VPS26A: variants seen among roughly 807,000 people sequenced by gnomAD.
The protein encoded by VPS26A is VPS26 retromer complex component A.
A neutral mutation model predicts 42.4 loss-of-function variants in VPS26A; 22 were observed. The ratio of observed to expected loss-of-function variants is 0.52; its 90% confidence interval spans 0.37 to 0.74. The LOEUF (loss-of-function observed/expected upper bound fraction) is 0.74. VPS26A is among the 30% of genes least tolerant of loss of function. The pLI is 0.00. For missense variants in VPS26A, 276 were observed against 379.2 expected (o/e 0.73, Z 2.26); for synonymous variants, 110 against 123.5 (o/e 0.89, Z 0.73).
At chr10:69,149,727 GTTTTTTGTTTTTTTTTTTTTT>G (rs778604289) in intron 2 of VPS26A, among the ~76,000 whole-genome samples, 1 of 93,964 alleles carries the variant, frequency 1.1e-5, no homozygotes. Flanking sequence ...CTTTCTTGGT[GTTTTTTGTTTTTTTTTTTTTT>G]TTTTTTTTTT....
chr10:69,129,912 C>T (rs1201966527), intron 1 of VPS26A, among the ~76,000 whole-genome samples: 1 of 152,168 alleles, frequency 6.6e-6, no homozygotes, highest in African/African-American at 2.4e-5. Flanking sequence ...TTTGTTAATA[C>T]AGGATTTAGG....
At chr10:69,150,796 T>C (rs1191358127) in intron 2 of VPS26A, among the ~76,000 whole-genome samples, 1 of 152,140 alleles carries the variant, frequency 6.6e-6, no homozygotes, top group East Asian at 1.9e-4. Context: ...AGTATATATA[T>C]GCATGCCCAT....
Position 69,158,027 on chromosome 10 carries a change from ACT to A in VPS26A, c.387-15_387-14del, listed in dbSNP as rs1841468905. The A allele has an allele frequency of 7.7e-6, 12 of 1,567,994 alleles. No homozygotes were observed. The highest frequency in any genetic ancestry group is 4.8e-5 in the South Asian group (4 of 83,202). Reference sequence around the variant, plus strand: ...TTATCACAGGTGATTTAACTCATCGACTCTCTTTTAACTTTGTAGGTATTTTC... The same window carrying A: ...TTATCACAGGTGATTTAACTCATCGACTCTTTTAACTTTGTAGGTATTTTC... On this transcript the variant is annotated intron_variant, in intron 4 of 8. Transcript: ENST00000263559.
chr10:69,153,129 A>C (rs907030196), intron 2 of VPS26A, among the ~76,000 whole-genome samples: 1 of 145,600 alleles, frequency 6.9e-6, no homozygotes, highest in Admixed American at 6.8e-5. Context: ...GGTTCACTGC[A>C]ACCTCCGCCC....
Position 69,168,572 on chromosome 10 carries a change from A to G in VPS26A, c.811A>G (p.Arg271Gly). ...AGATGTGAACAAAAAATTTTCAGTAAGGTACTTTTTGAATTTAGTGCTTGT... is the reference window on the plus strand; with the variant it reads ...AGATGTGAACAAAAAATTTTCAGTAGGGTACTTTTTGAATTTAGTGCTTGT... ...MRDVNKKFSV[R>G]YFLNLVLVDE... is the part of the protein sequence containing the mutation. Residue 271 changes from arginine to glycine, a missense_variant, in exon 8 of 9, where the codon AGG becomes GGG. Arg to Gly is a moderately radical substitution (Grantham distance 125). Coordinates refer to ENST00000263559, the MANE Select transcript of VPS26A (RefSeq NM_004896.5). The G allele has an allele frequency of 1.9e-6, 3 of 1,614,186 alleles. No individual in the cohort carries two copies. Among genetic ancestry groups the G allele is most frequent in the Non-Finnish European group, 2.5e-6 (3 of 1,180,024 alleles).
At chr10:69,151,753 AT>A (rs768906148) in intron 2 of VPS26A, among the ~76,000 whole-genome samples, 1 of 152,202 alleles carries the variant, frequency 6.6e-6, no homozygotes, top group Non-Finnish European at 1.5e-5. Flanking sequence ...AGTTTTAAAA[AT>A]ATCAGACAAA....
intron 2 of VPS26A, among the ~76,000 whole-genome samples, chr10:69,150,909 G>A (rs1841289318): frequency 7.1e-6 from 1 of 140,260 alleles, no homozygotes; most frequent in Non-Finnish European, 1.5e-5. Context: ...ATTCTTGCAA[G>A]TTTTTTGCAA....
At chr10:69,134,932 A>T (rs572671509) in intron 2 of VPS26A, among the ~76,000 whole-genome samples, 5 of 146,010 alleles carry the variant, frequency 3.4e-5, no homozygotes, top group South Asian at 2.2e-4. Context: ...GTATCTATTT[A>T]AAAAAAAAAA....
At chr10:69,163,919 T>C (rs1420419929) in intron 6 of VPS26A, among the ~76,000 whole-genome samples, 3 of 150,938 alleles carry the variant, frequency 2.0e-5, no homozygotes, top group Admixed American at 1.3e-4. Context: ...GCGCCCACCA[T>C]CACGCCCGGC....
intron 2 of VPS26A, among the ~76,000 whole-genome samples, chr10:69,152,902 A>G (rs990217677): frequency 4.0e-5 from 6 of 151,738 alleles, no homozygotes; most frequent in Admixed American, 3.9e-4. Context: ...CCTGGAAGGC[A>G]GAGCTTGCAG....
chr10:69,168,949 A>G (rs896780806), intron 8 of VPS26A, among the ~76,000 whole-genome samples: 1 of 152,196 alleles, frequency 6.6e-6, no homozygotes, highest in Non-Finnish European at 1.5e-5. Flanking sequence ...AGAACAAAGA[A>G]TGAAGTAAAG....
chr10:69,132,341 GTT>G (rs67879780), intron 1 of VPS26A, among the ~76,000 whole-genome samples: 1 of 149,078 alleles, frequency 6.7e-6, no homozygotes, highest in Non-Finnish European at 1.5e-5. Context: ...TTTGTTTAGG[GTT>G]TTTTTTTTGG....
Position 69,173,606 on chromosome 10 carries a change from G to A in VPS26A, c.*2337G>A, listed in dbSNP as rs907442872. On this transcript the variant is annotated 3_prime_UTR_variant, in exon 9 of 9. Coordinates refer to ENST00000263559, the MANE Select transcript of VPS26A (RefSeq NM_004896.5). ...CTTGGAGAACTTTTCTGTCTTACAA[G>A]GGGATTGTAGAATGCACCAATCAAC... Among the ~76,000 whole-genome samples the A allele has an allele frequency of 7.9e-5, 12 of 152,204 alleles. No individual in the cohort carries two copies. Among genetic ancestry groups the A allele is most frequent in the Non-Finnish European group, 1.6e-4 (11 of 68,032 alleles).
At chr10:69,138,526 C>T (rs1365787666) in intron 2 of VPS26A, among the ~76,000 whole-genome samples, 4 of 152,220 alleles carry the variant, frequency 2.6e-5, no homozygotes, top group Non-Finnish European at 2.9e-5. Context: ...TTCATACCTG[C>T]ACTCAGCCGT....
chr10:69,137,418 A>C (rs1323316399), intron 2 of VPS26A, among the ~76,000 whole-genome samples: 1 of 152,140 alleles, frequency 6.6e-6, no homozygotes, highest in Non-Finnish European at 1.5e-5. Flanking sequence ...TTCCAGGCTC[A>C]CTGGTTTTTG....
intron 1 of VPS26A, among the ~76,000 whole-genome samples, chr10:69,132,633 G>C (rs1840810117): frequency 6.6e-6 from 1 of 151,978 alleles, no homozygotes. Flanking sequence ...AGTAGAGACA[G>C]GGTTTCATCA....
At chr10:69,138,935 A>C (rs116774023) in intron 2 of VPS26A, among the ~76,000 whole-genome samples, 2,605 of 152,332 alleles carry the variant, frequency 0.017, 66 homozygotes, top group African/African-American at 0.058. Context: ...AGTTAAAAAA[A>C]ATTTAGCATT....
chr10:69,145,012 AT>A (rs1841123845), intron 2 of VPS26A, among the ~76,000 whole-genome samples: 1 of 151,778 alleles, frequency 6.6e-6, no homozygotes, highest in African/African-American at 2.4e-5. Context: ...TTTTCCTCCT[AT>A]AAATGTTATT....
At chr10:69,129,296 C>T (rs1840725057) in intron 1 of VPS26A, among the ~76,000 whole-genome samples, 1 of 152,128 alleles carries the variant, frequency 6.6e-6, no homozygotes, top group East Asian at 1.9e-4. Flanking sequence ...AGCTGCTATA[C>T]ATTCTCATTT....
Sources: allele counts gnomAD v4.1 joint callset (sites outside exome capture counted in the v4.1 genomes callset), GRCh38; gene constraint gnomAD v4.1.1; transcripts MANE v1.5; gene names NCBI Gene and HGNC (gene_info 2026-07-23, HGNC 2026-07-21).